FAM78A: variants seen among roughly 807,000 people sequenced by gnomAD.
FAM78A encodes the protein protein FAM78A.
FAM78A carries 12 observed loss-of-function variants against 22.6 expected under a neutral mutation model. That is an observed-to-expected ratio of 0.53 (90% confidence interval 0.34 to 0.86). FAM78A has a LOEUF of 0.86. Ranked by LOEUF, FAM78A falls within the 40% of genes least tolerant of loss-of-function variation. FAM78A has a pLI of 0.02. For missense variants in FAM78A, 322 were observed against 396.1 expected, an observed-to-expected ratio of 0.81 and a Z score of 1.59; for synonymous variants, 151 against 155.8, an observed-to-expected ratio of 0.97 and a Z score of 0.23.
intron 1 of FAM78A, among the ~76,000 whole-genome samples, chr9:131,262,151 C>A (rs979674165): frequency 1.3e-5 from 2 of 151,376 alleles, no homozygotes; most frequent in African/African-American, 4.9e-5. Flanking sequence ...TATGGTGAAA[C>A]CCTGTCTCTA....
At chr9:131,270,389 A>G (rs1218509010) in intron 1 of FAM78A, 1 of 717,568 alleles carries the variant, frequency 1.4e-6, no homozygotes, top group Admixed American at 2.0e-5. Context: ...AACTCCAATC[A>G]GCAAAACAAA....
chr9:131,277,573 C>T (rs1400749220), upstream of FAM78A, among the ~76,000 whole-genome samples: 1 of 151,758 alleles, frequency 6.6e-6, no homozygotes, highest in Non-Finnish European at 1.5e-5. This position sits in a 1 kb window ranked among gnomAD's most constrained non-coding sequence, Gnocchi z 8.4. Flanking sequence ...CTCCGCTGGC[C>T]CGGGCAGCCG....
chr9:131,270,469 A>G, intron 1 of FAM78A: 1 of 717,020 alleles, frequency 1.4e-6, no homozygotes, highest in Non-Finnish European at 2.6e-6. Flanking sequence ...CTTGGTCTCC[A>G]ATGTTTGTTT....
chr9:131,277,640 T>C (rs931762057), upstream of FAM78A, among the ~76,000 whole-genome samples: 3 of 149,876 alleles, frequency 2.0e-5, no homozygotes, highest in Admixed American at 6.6e-5. This position sits in a 1 kb window ranked among gnomAD's most constrained non-coding sequence, Gnocchi z 8.4. Flanking sequence ...CCCCACCCCC[T>C]TCCCCGGGCA....
In FAM78A at chr9:131,270,999, G is replaced by GCCTTTT. The variant is rs1311041330; in HGVS notation, c.323+4857_323+4858insAAAAGG. Among the ~76,000 whole-genome samples, 9 of 131,970 alleles carry GCCTTTT rather than the reference G, an allele frequency of 6.8e-5. 4 individuals are homozygous for GCCTTTT. Among genetic ancestry groups the GCCTTTT allele is most frequent in the Non-Finnish European group, 6.4e-5 (4 of 62,980 alleles). The allele number at this position is 131,970 out of a possible 152,430, so 86.6% of individuals were successfully genotyped here. ...ACCCCTGCCCTGTCCTTTCCCACCAGTCTTTTTTTTTTTTTTTTTTTTTTG... is the reference window on the plus strand; with the variant it reads ...ACCCCTGCCCTGTCCTTTCCCACCAGCCTTTTTCTTTTTTTTTTTTTTTTTTTTTTG... On this transcript the variant is annotated intron_variant, in intron 1 of 1. Coordinates refer to ENST00000372271, the MANE Select transcript of FAM78A (RefSeq NM_033387.4).
rs1835461456 is a variant in FAM78A, at chr9:131,274,737, C to G, written c.323+1120G>C. Among the ~76,000 whole-genome samples the G allele has an allele frequency of 6.6e-6, 1 of 152,200 alleles. No homozygotes were observed. The highest frequency in any genetic ancestry group is 2.1e-4 in the South Asian group (1 of 4,828). ...TTCTTAAATCTGTGATAAGTTCCAG[C>G]TCCTGGGGAAATTCTCCTCTTTTCC... On this transcript the variant is annotated intron_variant, in intron 1 of 1. Coordinates refer to ENST00000372271, the MANE Select transcript of FAM78A (RefSeq NM_033387.4). The surrounding 1 kb of genome is among the most constrained non-coding windows in gnomAD (Gnocchi z 4.2).
chr9:131,264,349 C>G (rs953374870), intron 1 of FAM78A: 1 of 517,488 alleles, frequency 1.9e-6, no homozygotes, highest in African/African-American at 2.0e-5. Context: ...GACAGCACTG[C>G]GTCACGCGGG....
At position 131,265,989 on chromosome 9, in the gene FAM78A, T is replaced by C. The variant is rs1564236857; in HGVS notation, c.324-4639A>G. On this transcript the variant is annotated intron_variant, in intron 1 of 1. Coordinates refer to ENST00000372271, the MANE Select transcript of FAM78A (RefSeq NM_033387.4). The surrounding 1 kb of genome is among the most constrained non-coding windows in gnomAD (Gnocchi z 4.3). ...CCCATCATCACCCACCCAACAAACA[T>C]CTGCAGGGCACCTGCTTTCCATGTC... Among the ~76,000 whole-genome samples, 1 of 152,076 alleles carries C rather than the reference T, an allele frequency of 6.6e-6. No homozygotes were observed. Among genetic ancestry groups the C allele is most frequent in the African/African-American group, 2.4e-5 (1 of 41,402 alleles).
upstream of FAM78A, among the ~76,000 whole-genome samples, chr9:131,278,007 G>A (rs1216332499): frequency 1.4e-5 from 2 of 146,160 alleles, no homozygotes; most frequent in African/African-American, 4.9e-5. Flanking sequence ...AGGGACCGCC[G>A]CCCGCTCGCC....
rs946959952 is a variant in FAM78A at position 131,261,605 on chromosome 9, G to C, written c.324-255C>G. ...GCCCAAGTTGCTCTAGGGACATACA[G>C]ATCCCACACTCCCATGTGGCCATGG... On this transcript the variant is annotated intron_variant, in intron 1 of 1. Coordinates refer to ENST00000372271, the MANE Select transcript of FAM78A (RefSeq NM_033387.4). The surrounding 1 kb of genome is among the most constrained non-coding windows in gnomAD (Gnocchi z 7.1). Among the ~76,000 whole-genome samples the C allele has an allele frequency of 1.3e-5, 2 of 152,166 alleles. No homozygotes were observed. The highest frequency in any genetic ancestry group is 4.8e-5 in the African/African-American group (2 of 41,444).
intron 1 of FAM78A, among the ~76,000 whole-genome samples, chr9:131,266,109 C>T (rs898830341): frequency 6.6e-6 from 1 of 152,164 alleles, no homozygotes; most frequent in African/African-American, 2.4e-5. Flanking sequence ...TGGACTCTCC[C>T]TCGCCCCTCC....
At chr9:131,267,842 G>A (rs1402194371) in intron 1 of FAM78A, among the ~76,000 whole-genome samples, 2 of 151,692 alleles carry the variant, frequency 1.3e-5, no homozygotes, top group East Asian at 1.9e-4. Context: ...TCAGGAGATC[G>A]AGACCATCCT....
chr9:131,277,047 C>T (rs1274939071), upstream of FAM78A, among the ~76,000 whole-genome samples: 3 of 150,570 alleles, frequency 2.0e-5, no homozygotes, highest in African/African-American at 7.3e-5. The surrounding 1 kb of genome is among the most constrained non-coding windows in gnomAD (Gnocchi z 8.4). Context: ...GCGCTGGGCG[C>T]GGGCTGCGGA....
Position 131,274,898 on chromosome 9 carries a change from C to A in FAM78A, c.323+959G>T, listed in dbSNP as rs1321352148. On this transcript the variant is annotated intron_variant, in intron 1 of 1. Coordinates refer to ENST00000372271, the MANE Select transcript of FAM78A (RefSeq NM_033387.4). This position sits in a 1 kb window ranked among gnomAD's most constrained non-coding sequence, Gnocchi z 4.2. ...GGAGTGTCAGCGGCCAGTCACGGGG[C>A]CGCATGGGTGGGCTGCCCGCCGGGG... 1.3e-5 allele frequency among the ~76,000 whole-genome samples: 2 copies of A among 152,174 alleles called. No homozygotes were observed. Among genetic ancestry groups the A allele is most frequent in the Non-Finnish European group, 2.9e-5 (2 of 68,030 alleles).
At position 131,276,240 on chromosome 9, in the gene FAM78A, A is replaced by C; in HGVS notation, c.-61T>G. 3.4e-5 allele frequency: 47 copies of C among 1,393,780 alleles called. No homozygotes were observed. Among genetic ancestry groups the C allele is most frequent in the African/African-American group, 4.3e-5 (3 of 69,632 alleles). The allele number at this position is 1,393,780 out of a possible 1,614,324, so 86.3% of individuals were successfully genotyped here. A position where few individuals can be genotyped will look rare whatever the true frequency, so the allele number is the denominator to read the frequency against. On this transcript the variant is annotated 5_prime_UTR_variant, in exon 1 of 2. It removes the in-frame stop codon of an upstream open reading frame in the 5' UTR. Coordinates refer to ENST00000372271, the MANE Select transcript of FAM78A (RefSeq NM_033387.4). This position sits in a 1 kb window ranked among gnomAD's most constrained non-coding sequence, Gnocchi z 4.3. ...GCGCTGCTCTCCAATCTCAACTCTC[A>C]AGACCGATATCCATAGGATAGAAAA...
upstream of FAM78A, among the ~76,000 whole-genome samples, chr9:131,280,328 C>CGGA (rs1428842240): frequency 1.3e-5 from 2 of 152,202 alleles, no homozygotes; most frequent in African/African-American, 4.8e-5. Context: ...CGTCATTTTC[C>CGGA]GGAGCTCCGT....
In FAM78A at chr9:131,260,686, G is replaced by A. The variant is rs978835595; in HGVS notation, c.*136C>T. 1 of 1,098,104 alleles carries A rather than the reference G, an allele frequency of 9.1e-7. No homozygotes were observed. The allele number at this position is 1,098,104 out of a possible 1,614,324, so 68.0% of individuals were successfully genotyped here. A position where few individuals can be genotyped will look rare whatever the true frequency, so the allele number is the denominator to read the frequency against. ...GAGAGCCGGGGAGGCCTTCCCGGGG[G>A]CATCAGCACAGTGAGATCCGCCCGC... On this transcript the variant is annotated 3_prime_UTR_variant, in exon 2 of 2. Coordinates refer to ENST00000372271, the MANE Select transcript of FAM78A (RefSeq NM_033387.4). This position sits in a 1 kb window ranked among gnomAD's most constrained non-coding sequence, Gnocchi z 5.4.
chr9:131,262,310 CAAA>C (rs1312713039), intron 1 of FAM78A, among the ~76,000 whole-genome samples: 6 of 75,638 alleles, frequency 7.9e-5, no homozygotes, highest in African/African-American at 9.4e-5. Context: ...ACTCTGTCTC[CAAA>C]AAAAAAAAAA....
upstream of FAM78A, among the ~76,000 whole-genome samples, chr9:131,278,383 C>A (rs1304271000): frequency 1.3e-5 from 2 of 152,108 alleles, no homozygotes; most frequent in African/African-American, 4.8e-5. Context: ...CGCAGGGAGA[C>A]AGTGGCTTGG....
Sources: allele counts gnomAD v4.1 joint callset (sites outside exome capture counted in the v4.1 genomes callset), GRCh38; gene constraint gnomAD v4.1.1; non-coding constraint Gnocchi (gnomAD v3.1); transcripts MANE v1.5; gene names NCBI Gene and HGNC (gene_info 2026-07-23, HGNC 2026-07-21).